KIF13B: variants seen among roughly 807,000 people sequenced by gnomAD.
KIF13B encodes kinesin-like protein KIF13B.
In KIF13B, 127 loss-of-function variants were observed where a neutral mutation model predicts 222.0. The observed-to-expected ratio is 0.57, with a 90% confidence interval of 0.50 to 0.66. KIF13B has a LOEUF of 0.66. Ranked by LOEUF, KIF13B falls within the 30% of genes least tolerant of loss-of-function variation. KIF13B has a pLI of 0.00. For missense variants in KIF13B, 2,173 were observed against 2,379.0 expected (o/e 0.91, Z 1.80); for synonymous variants, 976 against 919.0 (o/e 1.06, Z -1.12).
intron 2 of KIF13B, among the ~76,000 whole-genome samples, chr8:29,197,320 G>T (rs927266196): frequency 9.7e-6 from 1 of 103,332 alleles, no homozygotes; most frequent in African/African-American, 3.6e-5. Context: ...CTGGGCGACA[G>T]AGCGAGACTC....
At chr8:29,126,082 G>C (rs1190490211) in intron 26 of KIF13B, among the ~76,000 whole-genome samples, 1 of 150,000 alleles carries the variant, frequency 6.7e-6, no homozygotes, top group African/African-American at 2.5e-5. Context: ...GTGAGACTCT[G>C]TCACAAAAAA....
Position 29,087,211 on chromosome 8 carries a change from T to A in KIF13B, c.4458+5534A>T, listed in dbSNP as rs1478048218. Among the ~76,000 whole-genome samples the A allele has an allele frequency of 2.6e-5, 4 of 152,324 alleles. No homozygotes were observed. In the South Asian group the frequency reaches 8.3e-4, roughly 32 times the overall value. ...GAGAAGTGTGGAGTGGAGAAGGTAG[T>A]TACCTGCTACCTGGAAATGAAATGT... On this transcript the variant is annotated intron_variant, in intron 37 of 39. Transcript: ENST00000524189.
chr8:29,258,107 T>G (rs887140009), intron 1 of KIF13B, among the ~76,000 whole-genome samples: 1 of 152,186 alleles, frequency 6.6e-6, no homozygotes, highest in Non-Finnish European at 1.5e-5. Flanking sequence ...CTGTCAGTGA[T>G]CTCTCTGAGA....
At chr8:29,231,197 C>A (rs956367928) in intron 2 of KIF13B, among the ~76,000 whole-genome samples, 1 of 152,158 alleles carries the variant, frequency 6.6e-6, no homozygotes, top group African/African-American at 2.4e-5. Context: ...TTACTCTTAA[C>A]CAGTCTCTGT....
At chr8:29,204,621 G>A (rs901275778) in intron 2 of KIF13B, among the ~76,000 whole-genome samples, 6 of 152,208 alleles carry the variant, frequency 3.9e-5, no homozygotes, top group Admixed American at 3.9e-4. Context: ...TTTTGATGAA[G>A]TATATTTCAT....
At chr8:29,228,472 A>AAAATATATATATATATATATATATATAT in intron 2 of KIF13B, among the ~76,000 whole-genome samples, 3 of 117,080 alleles carry the variant, frequency 2.6e-5, no homozygotes, top group Admixed American at 8.9e-5. Context: ...ATCTTAAAAA[A>AAAATATATATATATATATATATATATAT]ATATATATAT....
intron 29 of KIF13B, 91 bp downstream of exon 29, chr8:29,122,500 A>G: frequency 9.8e-7 from 1 of 1,016,888 alleles, no homozygotes; most frequent in Non-Finnish European, 1.5e-6. Context: ...GGGGGACAGA[A>G]TTGCCTCACG....
intron 21 of KIF13B, among the ~76,000 whole-genome samples, chr8:29,134,878 G>A (rs554492276): frequency 5.9e-5 from 9 of 152,258 alleles, no homozygotes; most frequent in Middle Eastern, 3.4e-3. Context: ...CAGATTTGGG[G>A]GAAGGTGTAT....
intron 22 of KIF13B, among the ~76,000 whole-genome samples, chr8:29,132,967 G>A (rs1243766354): frequency 6.6e-6 from 1 of 152,168 alleles, no homozygotes; most frequent in Non-Finnish European, 1.5e-5. Flanking sequence ...ATCTTTATAA[G>A]ATAGCATATT....
chr8:29,142,411 G>T, intron 18 of KIF13B, 108 bp from the exon 19 acceptor site: 2 of 911,552 alleles, frequency 2.2e-6, no homozygotes, highest in Non-Finnish European at 3.3e-6. Flanking sequence ...AACTCAAATG[G>T]CAATCATCCT....
Position 29,071,792 on chromosome 8 carries a change from G to C in KIF13B, c.5046C>G (p.Ala1682=), listed in dbSNP as rs1166617596. 6.5e-7 allele frequency: 1 copy of C among 1,546,970 alleles called. No individual in the cohort carries two copies. The highest frequency in any genetic ancestry group is 1.4e-5 in the African/African-American group (1 of 73,102). The change falls in exon 39 of 40, where the codon GCC becomes GCG. Residue 1682 remains alanine, a synonymous_variant. Transcript: ENST00000524189. The surrounding 1 kb of genome is among the most constrained non-coding windows in gnomAD (Gnocchi z 4.9). ...AATCAGAGGCCAGGGCCTGTCCCCCGGCGCCCGGGGCCGGCGCATTCCCCT... is the reference window on the plus strand; with the variant it reads ...AATCAGAGGCCAGGGCCTGTCCCCCCGCGCCCGGGGCCGGCGCATTCCCCT... The part of the protein sequence containing the change: ...GAEGNAPAPG[A]GGQALASDSE...
At chr8:29,095,664 G>A (rs777538804) in intron 36 of KIF13B, among the ~76,000 whole-genome samples, 23 of 152,192 alleles carry the variant, frequency 1.5e-4, no homozygotes, top group Non-Finnish European at 8.8e-5. Context: ...CTACTTGGGA[G>A]GCTGAGGCAG....
intron 2 of KIF13B, among the ~76,000 whole-genome samples, chr8:29,232,407 T>C (rs1815324614): frequency 1.4e-5 from 2 of 147,652 alleles, no homozygotes; most frequent in Non-Finnish European, 3.0e-5. Flanking sequence ...ACCCTGTCTC[T>C]AAAACAATAA....
chr8:29,187,955 T>C (rs1813014384), intron 5 of KIF13B, among the ~76,000 whole-genome samples: 1 of 152,228 alleles, frequency 6.6e-6, no homozygotes, highest in African/African-American at 2.4e-5. Flanking sequence ...GGACTGGAGC[T>C]GTCGCCGCCT....
intron 10 of KIF13B, among the ~76,000 whole-genome samples, chr8:29,173,479 A>AG (rs1234738964): frequency 6.7e-6 from 1 of 149,770 alleles, no homozygotes; most frequent in Non-Finnish European, 1.5e-5. Context: ...AAAAAAAAAA[A>AG]ATTGCTAGGC....
At chr8:29,186,917 C>T (rs1479260622) in intron 5 of KIF13B, among the ~76,000 whole-genome samples, 1 of 148,084 alleles carries the variant, frequency 6.8e-6, no homozygotes, top group Non-Finnish European at 1.5e-5. Context: ...TGCAGTGAGC[C>T]GAGATTGCGC....
chr8:29,087,966 A>G (rs923668635), intron 37 of KIF13B, among the ~76,000 whole-genome samples: 2 of 152,140 alleles, frequency 1.3e-5, no homozygotes, highest in African/African-American at 4.8e-5. Context: ...GTATATAAGA[A>G]GATTATACAT....
rs561706216 is a variant in KIF13B, at chr8:29,174,848, G to T, written c.945+1220C>A. Among the ~76,000 whole-genome samples the T allele has an allele frequency of 2.0e-5, 3 of 152,194 alleles. No individual in the cohort carries two copies. In the East Asian group the frequency reaches 5.8e-4, roughly 29 times the overall value. Reference sequence around the variant, plus strand: ...ATATTCAAATAGTGTGCAGAGTTTTGAATTAAAAAGTTGAATACTAGTTAA... The same window carrying T: ...ATATTCAAATAGTGTGCAGAGTTTTTAATTAAAAAGTTGAATACTAGTTAA... On this transcript the variant is annotated intron_variant, in intron 10 of 39. Transcript: ENST00000524189.
intron 2 of KIF13B, among the ~76,000 whole-genome samples, chr8:29,222,024 T>C (rs1814775185): frequency 6.6e-6 from 1 of 152,124 alleles, no homozygotes; most frequent in Admixed American, 6.5e-5. Flanking sequence ...TTCTTATTAA[T>C]TAACCACTCT....
Sources: allele counts gnomAD v4.1 joint callset (sites outside exome capture counted in the v4.1 genomes callset), GRCh38; gene constraint gnomAD v4.1.1; non-coding constraint Gnocchi (gnomAD v3.1); transcripts MANE v1.5; gene names NCBI Gene and HGNC (gene_info 2026-07-23, HGNC 2026-07-21).